PARP6: variants seen among roughly 807,000 people sequenced by gnomAD.
PARP6 encodes poly(ADP-ribose) polymerase family member 6, also known as protein mono-ADP-ribosyltransferase PARP6.
PARP6 carries 27 observed loss-of-function variants against 92.0 expected under a neutral mutation model. The observed-to-expected ratio is 0.29, with a 90% CI of 0.22 to 0.40. The LOEUF (loss-of-function observed/expected upper bound fraction) is 0.40, where lower values mean the gene tolerates loss of function less well. Among genes scored for constraint, PARP6 ranks in the 10% least tolerant of loss-of-function variants. The pLI is 1.00. For missense variants in PARP6, 501 were observed against 784.5 expected (o/e 0.64, Z 4.32); for synonymous variants, 272 against 281.2 (o/e 0.97, Z 0.33).
At chr15:72,259,194 G>C (rs757223612) in intron 11 of PARP6, among the ~76,000 whole-genome samples, 2 of 152,202 alleles carry the variant, frequency 1.3e-5, no homozygotes, top group Non-Finnish European at 2.9e-5. Flanking sequence ...AGATGCAAAA[G>C]TGAAAGCATG....
intron 16 of PARP6, 64 bp downstream of exon 16, chr15:72,253,373 G>T: frequency 7.8e-7 from 1 of 1,287,738 alleles, no homozygotes; most frequent in Non-Finnish European, 1.1e-6. Context: ...GAAGGTACAG[G>T]TTCCATGTCC....
intron 20 of PARP6, chr15:72,245,719 T>C (rs1338463123): frequency 6.6e-6 from 1 of 152,314 alleles, no homozygotes; most frequent in African/African-American, 2.4e-5. Flanking sequence ...GAGAGGGAGA[T>C]GAAAGGTGTC....
Position 72,250,092 on chromosome 15 carries a change from A to G in PARP6, c.1419T>C (p.His473=), listed in dbSNP as rs759104855. Residue 473 remains histidine (H), a splice_region_variant and synonymous_variant, in exon 19 of 24, where the codon CAT becomes CAC. Coordinates refer to ENST00000569795, the MANE Select transcript of PARP6 (RefSeq NM_001323532.2). ...KKLYGSTFAF[H]GSHIENWHSI... is the part of the protein sequence containing the mutation. ...AATGCCAGTTCTCAATGTGGGACCC[A>G]CTGTAAGGCAGGGTAGAATACATGT... is the stretch of plus-strand genomic sequence containing the variant. The G allele has an allele frequency of 6.2e-7, 1 of 1,602,256 alleles. No individual in the cohort carries two copies.
intron 15 of PARP6, 53 bp from the exon 16 acceptor site, chr15:72,253,557 G>C: frequency 7.0e-7 from 1 of 1,437,762 alleles, no homozygotes; most frequent in Non-Finnish European, 9.7e-7. Context: ...GAGCCTACCT[G>C]CTTTCTGCTT....
At chr15:72,267,265 C>T (rs1567241404) in intron 3 of PARP6, 1 of 613,086 alleles carries the variant, frequency 1.6e-6, no homozygotes, top group Non-Finnish European at 3.0e-6. Context: ...CTTTAAAGTA[C>T]TTAACTCTCC....
At chr15:72,252,813 ATAAAT>A (rs1301315698) in intron 16 of PARP6, among the ~76,000 whole-genome samples, 1 of 152,218 alleles carries the variant, frequency 6.6e-6, no homozygotes, top group Non-Finnish European at 1.5e-5. Flanking sequence ...AATTTAAAAA[ATAAAT>A]TAACAAACCA....
chr15:72,250,957 G>A lies in PARP6; in HGVS notation c.1309-3C>T. ...TGTGAGGTGTGCATGAACTTCAGCT[G>A]CTGCCCAGGGTGGGGGTGGAATCAG... On this transcript the variant is annotated splice_polypyrimidine_tract_variant and splice_region_variant and intron_variant, in intron 17 of 23. Coordinates refer to ENST00000569795, the MANE Select transcript of PARP6 (RefSeq NM_001323532.2). The A allele has an allele frequency of 6.2e-7, 1 of 1,606,176 alleles. No homozygotes were observed. The highest frequency in any genetic ancestry group is 8.5e-7 in the Non-Finnish European group (1 of 1,174,242).
chr15:72,256,238 T>C (rs1440209029), intron 14 of PARP6, among the ~76,000 whole-genome samples: 3 of 152,204 alleles, frequency 2.0e-5, no homozygotes, highest in Non-Finnish European at 4.4e-5. Context: ...AATCCAGGTC[T>C]GTCTGGCTCC....
At chr15:72,272,019 G>A (rs1478066536) in intron 1 of PARP6, among the ~76,000 whole-genome samples, 4 of 152,172 alleles carry the variant, frequency 2.6e-5, no homozygotes, top group Admixed American at 6.5e-5. Context: ...GGTCCTGGAG[G>A]AGGTTACTCC....
intron 2 of PARP6, among the ~76,000 whole-genome samples, chr15:72,269,577 A>C (rs889026781): frequency 2.6e-5 from 4 of 152,112 alleles, no homozygotes; most frequent in African/African-American, 9.7e-5. Flanking sequence ...GCAAATTCTC[A>C]GACTCCTCCT....
rs1335651789 is a variant in PARP6 at position 72,260,459 on chromosome 15, C to A, written c.756+19G>T. 6.3e-7 allele frequency: 1 copy of A among 1,599,362 alleles called. No individual in the cohort carries two copies. The highest frequency in any genetic ancestry group is 1.7e-5 in the Admixed American group (1 of 59,498). On this transcript the variant is annotated intron_variant, in intron 10 of 23. Transcript: ENST00000569795. The stretch of plus-strand genomic sequence containing the variant: ...CCACCCTCCTGATAGCCAAGTCAAA[C>A]CCTCCCCAGCCCATGTACCAAAGGA...
intron 9 of PARP6, 121 bp from the exon 10 acceptor site, chr15:72,260,809 C>T (rs2085772175): frequency 1.4e-6 from 1 of 738,128 alleles, no homozygotes; most frequent in Non-Finnish European, 2.4e-6. Context: ...AAACTCATAT[C>T]TGAGGAAAGT....
intron 8 of PARP6, among the ~76,000 whole-genome samples, chr15:72,263,055 T>C (rs1278100399): frequency 6.6e-6 from 1 of 152,160 alleles, no homozygotes; most frequent in African/African-American, 2.4e-5. Flanking sequence ...CGGATAAGCA[T>C]CTCTACCTGC....
intron 8 of PARP6, among the ~76,000 whole-genome samples, chr15:72,262,605 T>C (rs2086043171): frequency 6.6e-6 from 1 of 152,226 alleles, no homozygotes; most frequent in African/African-American, 2.4e-5. Context: ...ATTGTTTCTA[T>C]GTTGTTGCCA....
intron 11 of PARP6, among the ~76,000 whole-genome samples, chr15:72,258,856 T>C (rs2085476977): frequency 6.6e-6 from 1 of 152,262 alleles, no homozygotes; most frequent in East Asian, 1.9e-4. Flanking sequence ...TTTATTCATT[T>C]AATGCAGATT....
intron 16 of PARP6, among the ~76,000 whole-genome samples, chr15:72,251,890 T>C (rs958407408): frequency 2.0e-5 from 3 of 152,240 alleles, no homozygotes; most frequent in Admixed American, 6.5e-5. Flanking sequence ...AAGAGAGCAC[T>C]ATCTCCCATG....
intron 3 of PARP6, chr15:72,267,248 T>G: frequency 3.4e-6 from 2 of 592,736 alleles, no homozygotes; most frequent in Non-Finnish European, 6.1e-6. Context: ...ATTATTTTCT[T>G]TCTATCCTTT....
intron 14 of PARP6, 89 bp downstream of exon 14, chr15:72,256,376 G>T: frequency 2.7e-6 from 3 of 1,094,458 alleles, no homozygotes; most frequent in Non-Finnish European, 3.7e-6. Flanking sequence ...CTTATTCCAA[G>T]CCCTGTATAT....
chr15:72,242,040 G>A lies in PARP6; in HGVS notation c.1706-55C>T, dbSNP rs1038357902. The stretch of plus-strand genomic sequence containing the variant: ...TACAATGCTTAAGGCACAGAGTCCA[G>A]GCAGGAGAAGGAAGCCATGCCACTT... On this transcript the variant is annotated intron_variant, in intron 22 of 23. Transcript: ENST00000569795. This position sits in a 1 kb window ranked among gnomAD's most constrained non-coding sequence, Gnocchi z 4.3. The A allele has an allele frequency of 3.4e-6, 5 of 1,480,712 alleles. No homozygotes were observed. The African/African-American group carries it at 6.9e-5, about 20-fold the overall frequency. The allele number at this position is 1,480,712 out of a possible 1,614,324, so 91.7% of individuals were successfully genotyped here. A position where few individuals can be genotyped will look rare whatever the true frequency, so the allele number is the denominator to read the frequency against.
Sources: gnomAD v4.1 joint callset for allele counts (sites outside exome capture counted in the v4.1 genomes callset) on GRCh38, gnomAD v4.1.1 for gene constraint, Gnocchi (gnomAD v3.1) non-coding constraint, MANE v1.5 for transcripts, NCBI Gene and HGNC (gene_info 2026-07-23, HGNC 2026-07-21) for gene names.